The following DLGAP2 variants were observed in gnomAD, a reference collection of about 807,000 sequenced individuals.
The protein encoded by DLGAP2 is disks large-associated protein 2.
In DLGAP2, 26 loss-of-function variants were observed where a neutral mutation model predicts 100.3. The observed-to-expected ratio is 0.26, with a 90% CI of 0.19 to 0.36. The LOEUF (loss-of-function observed/expected upper bound fraction) is 0.36, where lower values mean the gene tolerates loss of function less well. DLGAP2 is among the 10% of genes least tolerant of loss of function. DLGAP2 has a pLI of 1.00. For synonymous variants in DLGAP2, 886 were observed against 630.1 expected (o/e 1.41, Z -6.08); for missense variants, 1,858 against 1,453.2 (o/e 1.28, Z -4.53).
At position 1,382,938 on chromosome 8, in the gene DLGAP2, T is replaced by TAG. The variant is rs565568253; in HGVS notation, c.107-118420_107-118419dup. ...GTGTGTGTGTGCGTGTGTGTGTGTG[T>TAG]AGAGAGAGACCCTAATCAATGAGAA... On this transcript the variant is annotated intron_variant, in intron 3 of 14. Coordinates refer to ENST00000637795, the MANE Select transcript of DLGAP2 (RefSeq NM_001346810.2). Among the ~76,000 whole-genome samples, 10 of 152,176 alleles carry TAG rather than the reference T, an allele frequency of 6.6e-5. No homozygotes were observed. In the South Asian group the frequency reaches 1.2e-3, roughly 19 times the overall value.
chr8:768,772 C>G (rs1308432859), intron 1 of DLGAP2, among the ~76,000 whole-genome samples: 1 of 152,160 alleles, frequency 6.6e-6, no homozygotes, highest in African/African-American at 2.4e-5. Context: ...CATCAAAAAA[C>G]ACTTAAAAAT....
intron 5 of DLGAP2, among the ~76,000 whole-genome samples, chr8:1,563,249 G>A (rs1350801820): frequency 2.0e-5 from 1 of 51,244 alleles, no homozygotes; most frequent in African/African-American, 8.2e-5. Context: ...TCGTTACTGG[G>A]GGACTGTGTG....
chr8:1,039,621 TGTGCGTGGTC>T (rs1802250865), intron 2 of DLGAP2, among the ~76,000 whole-genome samples: 1 of 66,610 alleles, frequency 1.5e-5, no homozygotes, highest in Non-Finnish European at 2.9e-5. Context: ...GTCAGCTCGG[TGTGCGTGGTC>T]AGCTCGGTGT....
At chr8:748,155 TGGGCGGGTCTGCGGTGG>T (rs1820694283) in intron 1 of DLGAP2, among the ~76,000 whole-genome samples, 2 of 29,498 alleles carry the variant, frequency 6.8e-5, no homozygotes, top group African/African-American at 1.4e-4. Flanking sequence ...TGCGGTGGGA[TGGGCGGGTCTGCGGTGG>T]GATGGGCGGG....
At chr8:1,344,214 G>GTGC (rs1801502554) in intron 3 of DLGAP2, among the ~76,000 whole-genome samples, 2 of 36,674 alleles carry the variant, frequency 5.5e-5, no homozygotes, top group East Asian at 4.6e-3. Context: ...CTGTCGTGGG[G>GTGC]CCTGTGCCGT....
At chr8:1,210,570 A>T (rs1562927) in intron 2 of DLGAP2, among the ~76,000 whole-genome samples, 3 of 152,038 alleles carry the variant, frequency 2.0e-5, no homozygotes, top group African/African-American at 4.8e-5. Flanking sequence ...TGGGGAGTGT[A>T]CAGAGAAGTT....
intron 6 of DLGAP2, among the ~76,000 whole-genome samples, chr8:1,601,956 G>GTGTT (rs1796640823): frequency 6.6e-6 from 1 of 151,250 alleles, no homozygotes; most frequent in African/African-American, 2.4e-5. Flanking sequence ...GTGTGTGTGT[G>GTGTT]TGTGTGTGTG....
chr8:1,436,717 CCACTCACCCATT>C (rs900161649), intron 3 of DLGAP2, among the ~76,000 whole-genome samples: 1 of 152,092 alleles, frequency 6.6e-6, no homozygotes, highest in Non-Finnish European at 1.5e-5. Flanking sequence ...CATTCACTCC[CCACTCACCCATT>C]CACTCACCCA....
Position 1,638,491 on chromosome 8 carries a change from C to T in DLGAP2, c.1810+5445C>T, listed in dbSNP as rs764095781. On this transcript the variant is annotated intron_variant, in intron 8 of 14. Coordinates refer to ENST00000637795, the MANE Select transcript of DLGAP2 (RefSeq NM_001346810.2). Reference sequence around the variant, plus strand: ...GCTCTGTTACGGCAGCACGGGAGGACTAACACGGGGGCCAGAGTCATGTTA... The same window carrying T: ...GCTCTGTTACGGCAGCACGGGAGGATTAACACGGGGGCCAGAGTCATGTTA... Among the ~76,000 whole-genome samples, 3 of 152,006 alleles carry T rather than the reference C, an allele frequency of 2.0e-5. No individual in the cohort carries two copies. The East Asian group carries it at 5.8e-4, about 29-fold the overall frequency.
chr8:1,376,110 C>T (rs527370258), intron 3 of DLGAP2, among the ~76,000 whole-genome samples: 3 of 144,340 alleles, frequency 2.1e-5, no homozygotes, highest in African/African-American at 2.7e-5. Context: ...CACCTCTCCA[C>T]GACCTCAGAA....
At chr8:906,387 C>T (rs745670624) in intron 1 of DLGAP2, among the ~76,000 whole-genome samples, 3 of 152,192 alleles carry the variant, frequency 2.0e-5, no homozygotes, top group Non-Finnish European at 2.9e-5. Context: ...TTGAATCCCT[C>T]CTGAGGGGGT....
intron 1 of DLGAP2, among the ~76,000 whole-genome samples, chr8:850,618 T>G (rs565890679): frequency 3.3e-5 from 5 of 152,330 alleles, no homozygotes; most frequent in Admixed American, 6.5e-5. Flanking sequence ...AATTAAATGT[T>G]GGCATGCTTT....
chr8:1,125,558 G>T (rs1400336635), intron 2 of DLGAP2, among the ~76,000 whole-genome samples: 1 of 152,094 alleles, frequency 6.6e-6, no homozygotes, highest in Non-Finnish European at 1.5e-5. Context: ...AAAAATAGGG[G>T]CTATTTCTTC....
chr8:1,370,844 A>AGTAACGCACCAC (rs1232210330), intron 3 of DLGAP2, among the ~76,000 whole-genome samples: 1 of 152,244 alleles, frequency 6.6e-6, no homozygotes. Flanking sequence ...ATAAAAGATG[A>AGTAACGCACCAC]GTAACGCACC....
intron 3 of DLGAP2, among the ~76,000 whole-genome samples, chr8:1,332,201 T>C (rs1040147560): frequency 6.6e-6 from 1 of 152,124 alleles, no homozygotes; most frequent in African/African-American, 2.4e-5. Flanking sequence ...TTATTTGCAT[T>C]GTGTGCTTGT....
At chr8:867,445 C>T (rs1457393648) in intron 1 of DLGAP2, among the ~76,000 whole-genome samples, 3 of 152,176 alleles carry the variant, frequency 2.0e-5, no homozygotes, top group Non-Finnish European at 2.9e-5. Flanking sequence ...TTCTAACAGG[C>T]GCTAATCCTT....
intron 6 of DLGAP2, among the ~76,000 whole-genome samples, chr8:1,613,551 A>T (rs117008927): frequency 6.6e-6 from 1 of 151,960 alleles, no homozygotes; most frequent in Non-Finnish European, 1.5e-5. Flanking sequence ...ATAAAAAAAA[A>T]AAAAGAAAAG....
chr8:1,434,460 G>C (rs1025916112), intron 3 of DLGAP2, among the ~76,000 whole-genome samples: 2 of 151,712 alleles, frequency 1.3e-5, no homozygotes, highest in African/African-American at 4.8e-5. Context: ...TACCTCCCGG[G>C]AGTGTCAGCA....
At chr8:958,593 A>AC (rs1799650124) in intron 2 of DLGAP2, among the ~76,000 whole-genome samples, 1 of 151,996 alleles carries the variant, frequency 6.6e-6, no homozygotes. Context: ...AAAAAAAAAA[A>AC]AAAAAAAAAA....
Sources: gnomAD v4.1 joint callset for allele counts (sites outside exome capture counted in the v4.1 genomes callset) on GRCh38, gnomAD v4.1.1 for gene constraint, MANE v1.5 for transcripts, NCBI Gene and HGNC (gene_info 2026-07-23, HGNC 2026-07-21) for gene names.